Variants in RAB31 observed in about 807,000 individuals in gnomAD.
The protein encoded by RAB31 is ras-related protein Rab-31.
A neutral mutation model predicts 25.6 loss-of-function variants in RAB31; 21 were observed. The observed-to-expected ratio is 0.82, with a 90% CI of 0.58 to 1.18. RAB31 has a LOEUF of 1.18. Ranked by LOEUF, RAB31 falls within the 50% of genes most tolerant of loss-of-function variation. RAB31 has a pLI of 0.00. For missense variants in RAB31, 196 were observed against 250.1 expected, an observed-to-expected ratio of 0.78 and a Z score of 1.46; for synonymous variants, 87 against 84.0, an observed-to-expected ratio of 1.04 and a Z score of -0.20.
In RAB31 at chr18:9,764,311, T is replaced by C. The variant is rs571323216; in HGVS notation, c.40-10967T>C. On this transcript the variant is annotated intron_variant, in intron 1 of 6. Coordinates refer to ENST00000578921, the MANE Select transcript of RAB31 (RefSeq NM_006868.4). ...ATCAGGACATAATCTTTTTATCCCC[T>C]GTCCTTGCATACTGCTGACTGCACG... Among the ~76,000 whole-genome samples, 3 of 152,346 alleles carry C rather than the reference T, an allele frequency of 2.0e-5. No individual in the cohort carries two copies. The South Asian group carries it at 6.2e-4, about 32-fold the overall frequency.
At chr18:9,791,645 G>A (rs1371988325) in intron 2 of RAB31, among the ~76,000 whole-genome samples, 3 of 151,816 alleles carry the variant, frequency 2.0e-5, no homozygotes, top group Non-Finnish European at 4.4e-5. Flanking sequence ...CTGGGCTGGA[G>A]TACCATGGTG....
At chr18:9,728,609 C>G (rs541407720) in intron 1 of RAB31, among the ~76,000 whole-genome samples, 2 of 152,186 alleles carry the variant, frequency 1.3e-5, no homozygotes, top group Non-Finnish European at 2.9e-5. Flanking sequence ...ACAATCTTGG[C>G]TCACTACAAC....
chr18:9,721,181 G>A lies in RAB31; in HGVS notation c.39+12737G>A, dbSNP rs188372716. Among the ~76,000 whole-genome samples, 10 of 152,288 alleles carry A rather than the reference G, an allele frequency of 6.6e-5. No individual in the cohort carries two copies. In the South Asian group the frequency reaches 1.2e-3, roughly 19 times the overall value. Reference sequence around the variant, plus strand: ...TGTGTGGCATATCTGTTTTCTGTGTGCTGTTATTTGAAAAATAAATAAAAG... The same window carrying A: ...TGTGTGGCATATCTGTTTTCTGTGTACTGTTATTTGAAAAATAAATAAAAG... On this transcript the variant is annotated intron_variant, in intron 1 of 6. Coordinates refer to ENST00000578921, the MANE Select transcript of RAB31 (RefSeq NM_006868.4).
chr18:9,817,149 G>A (rs76340362), intron 5 of RAB31, among the ~76,000 whole-genome samples: 2,755 of 152,050 alleles, frequency 0.018, 40 homozygotes, highest in East Asian at 0.063. Flanking sequence ...CTTAACCTTT[G>A]TCATGGGAAG....
At chr18:9,740,684 G>A (rs1265720849) in intron 1 of RAB31, among the ~76,000 whole-genome samples, 2 of 152,086 alleles carry the variant, frequency 1.3e-5, no homozygotes, top group Non-Finnish European at 2.9e-5. Flanking sequence ...CTGCACTCCA[G>A]CCTGGGCAAC....
intron 1 of RAB31, among the ~76,000 whole-genome samples, chr18:9,719,231 C>G (rs1291286923): frequency 8.0e-6 from 1 of 124,266 alleles, no homozygotes; most frequent in Non-Finnish European, 1.6e-5. Flanking sequence ...GATTGTGCCA[C>G]TGTACTCCAG....
intron 5 of RAB31, among the ~76,000 whole-genome samples, chr18:9,839,776 C>T (rs1287058330): frequency 6.6e-6 from 1 of 152,150 alleles, no homozygotes; most frequent in Non-Finnish European, 1.5e-5. Context: ...ACAGCATGAA[C>T]GGCAGGTCCC....
chr18:9,838,188 G>A lies in RAB31; in HGVS notation c.381-7394G>A, dbSNP rs548450734. 3.9e-5 allele frequency among the ~76,000 whole-genome samples: 6 copies of A among 152,292 alleles called. No individual in the cohort carries two copies. The South Asian group carries it at 6.2e-4, about 16-fold the overall frequency. On this transcript the variant is annotated intron_variant, in intron 5 of 6. Transcript: ENST00000578921. Reference sequence around the variant, plus strand: ...ACCCAGCCTGGTGGAATGCATGGACGACATAGACCTGAGGGAGGTGAGCAC... The same window carrying A: ...ACCCAGCCTGGTGGAATGCATGGACAACATAGACCTGAGGGAGGTGAGCAC...
chr18:9,782,035 T>C (rs556730035), intron 2 of RAB31, among the ~76,000 whole-genome samples: 1 of 152,326 alleles, frequency 6.6e-6, no homozygotes, highest in African/African-American at 2.4e-5. Flanking sequence ...ATCAGTGGGT[T>C]TGGAGCCCTG....
Position 9,836,432 on chromosome 18 carries a change from A to G in RAB31, c.381-9150A>G, listed in dbSNP as rs78423750. ...CTGTAAAATGGTGCCTGAGCAGTGT[A>G]TATTTTATTGTGCCCTAGCTATAGT... On this transcript the variant is annotated intron_variant, in intron 5 of 6. Coordinates refer to ENST00000578921, the MANE Select transcript of RAB31 (RefSeq NM_006868.4). Among the ~76,000 whole-genome samples, 935 of 152,290 alleles carry G rather than the reference A, an allele frequency of 6.1e-3. 8 individuals are homozygous for G. Among genetic ancestry groups the G allele is most frequent in the African/African-American group, 0.021 (877 of 41,562 alleles).
chr18:9,799,628 C>T (rs999674766), intron 3 of RAB31, among the ~76,000 whole-genome samples: 2 of 152,114 alleles, frequency 1.3e-5, no homozygotes, highest in African/African-American at 2.4e-5. Flanking sequence ...TCCAGAGTAG[C>T]TGGGACTACA....
At chr18:9,854,307 C>T (rs908408232) in intron 6 of RAB31, among the ~76,000 whole-genome samples, 10 of 152,142 alleles carry the variant, frequency 6.6e-5, no homozygotes, top group African/African-American at 2.4e-4. Flanking sequence ...TTAAGTCTCT[C>T]CTTGTTGGAC....
intron 1 of RAB31, among the ~76,000 whole-genome samples, chr18:9,756,107 G>C (rs1335150074): frequency 2.0e-5 from 3 of 152,204 alleles, no homozygotes; most frequent in Non-Finnish European, 2.9e-5. Context: ...ACCATGAGAA[G>C]GTCATGTGAG....
intron 1 of RAB31, among the ~76,000 whole-genome samples, chr18:9,731,202 C>T (rs2068121277): frequency 6.6e-6 from 1 of 152,172 alleles, no homozygotes; most frequent in Admixed American, 6.5e-5. Flanking sequence ...GCCTTAGCTT[C>T]CCGAGTAGTT....
intron 5 of RAB31, chr18:9,844,737 T>C (rs1309801509): frequency 2.0e-5 from 3 of 152,222 alleles, no homozygotes; most frequent in African/African-American, 4.8e-5. Context: ...AGTAGGTTTT[T>C]TTAGGGTGGT....
At chr18:9,809,076 G>A (rs1169693976) in intron 3 of RAB31, among the ~76,000 whole-genome samples, 1 of 152,230 alleles carries the variant, frequency 6.6e-6, no homozygotes, top group African/African-American at 2.4e-5. Flanking sequence ...GCGTGGGTGT[G>A]CGAGCACATA....
chr18:9,751,159 G>A (rs759575419), intron 1 of RAB31, among the ~76,000 whole-genome samples: 5 of 151,944 alleles, frequency 3.3e-5, no homozygotes, highest in Non-Finnish European at 5.9e-5. Context: ...TCAGACTCCC[G>A]AGTAGCTGGG....
intron 1 of RAB31, among the ~76,000 whole-genome samples, chr18:9,727,883 C>T (rs113907002): frequency 0.017 from 2,549 of 152,282 alleles, 26 homozygotes; most frequent in Non-Finnish European, 0.026. Context: ...CACAGTTAAG[C>T]TAATTAACAC....
intron 2 of RAB31, among the ~76,000 whole-genome samples, chr18:9,775,631 C>A (rs557758297): frequency 6.6e-6 from 1 of 152,150 alleles, no homozygotes; most frequent in Admixed American, 6.5e-5. Context: ...TTCTGCAAAT[C>A]TTGGCGTTAT....
Sources: allele counts gnomAD v4.1 joint callset (sites outside exome capture counted in the v4.1 genomes callset), GRCh38; gene constraint gnomAD v4.1.1; transcripts MANE v1.5; gene names NCBI Gene and HGNC (gene_info 2026-07-23, HGNC 2026-07-21).